CEMIP: variants seen among roughly 807,000 people sequenced by gnomAD.
CEMIP encodes the protein cell migration-inducing and hyaluronan-binding protein.
Under a neutral mutation model 156.9 loss-of-function variants are expected in CEMIP, and 105 were observed. That is an observed-to-expected ratio of 0.67 (90% confidence interval 0.57 to 0.79). The LOEUF is 0.79. Among genes scored for constraint, CEMIP ranks in the 30% least tolerant of loss-of-function variants. The pLI, the probability that CEMIP is intolerant of heterozygous loss-of-function variation, is 0.00. For synonymous variants in CEMIP, 676 were observed against 668.4 expected (o/e 1.01, Z -0.17); for missense variants, 1,457 against 1,769.4 (o/e 0.82, Z 3.17).
intron 1 of CEMIP, among the ~76,000 whole-genome samples, chr15:80,788,943 G>T (rs1217423260): frequency 6.6e-6 from 1 of 151,548 alleles, no homozygotes; most frequent in Non-Finnish European, 1.5e-5. Flanking sequence ...TTAGAATTTT[G>T]ATATTTCATT....
At chr15:80,780,750 C>T (rs1052129748) in intron 1 of CEMIP, among the ~76,000 whole-genome samples, 1 of 152,232 alleles carries the variant, frequency 6.6e-6, no homozygotes, top group Non-Finnish European at 1.5e-5. Flanking sequence ...GGCGGGGAGC[C>T]GGCGGCTCTG....
Position 80,818,142 on chromosome 15 carries a change from T to A in CEMIP, c.-176+38528T>A, listed in dbSNP as rs548239393. Among the ~76,000 whole-genome samples the A allele has an allele frequency of 3.3e-5, 5 of 152,280 alleles. No homozygotes were observed. The South Asian group carries it at 1.0e-3, about 32-fold the overall frequency. On this transcript the variant is annotated intron_variant, in intron 1 of 29. Coordinates refer to ENST00000394685, the MANE Select transcript of CEMIP (RefSeq NM_001293298.2). ...ATTTCAGCAGCTTACTACAAAAAAA[T>A]ATGTATTTCTCACTCATGTTCATGT...
chr15:80,848,350 C>T (rs1324671787), intron 1 of CEMIP, among the ~76,000 whole-genome samples: 1 of 152,190 alleles, frequency 6.6e-6, no homozygotes, highest in Non-Finnish European at 1.5e-5. Context: ...TGGACAGCCG[C>T]CCCTCAACTG....
intron 6 of CEMIP, among the ~76,000 whole-genome samples, chr15:80,882,223 A>G (rs933984893): frequency 3.9e-5 from 6 of 152,174 alleles, no homozygotes; most frequent in Admixed American, 3.9e-4. Context: ...AGTACCTATA[A>G]CAGTCACTGG....
At chr15:80,808,646 GA>G (rs369854154) in intron 1 of CEMIP, among the ~76,000 whole-genome samples, 2 of 151,816 alleles carry the variant, frequency 1.3e-5, no homozygotes, top group African/African-American at 2.4e-5. Flanking sequence ...GAAAGGTAGA[GA>G]AAAAAACAAC....
Position 80,873,665 on chromosome 15 carries a change from G to T in CEMIP, c.-48G>T. 1.7e-6 allele frequency: 1 copy of T among 579,806 alleles called. No homozygotes were observed. Among genetic ancestry groups the T allele is most frequent in the African/African-American group, 1.9e-5 (1 of 54,044 alleles). The allele number at this position is 579,806 out of a possible 1,614,324, so 35.9% of individuals were successfully genotyped here. A position where few individuals can be genotyped will look rare whatever the true frequency, so the allele number is the denominator to read the frequency against. On this transcript the variant is annotated 5_prime_UTR_variant, in exon 2 of 30. Transcript: ENST00000394685. ...GGATTTTCATGCCCCGATCTGCCTG[G>T]CCTTGAGTTGTGGCAGCTGGGGAAG...
intron 12 of CEMIP, among the ~76,000 whole-genome samples, chr15:80,902,300 G>A (rs1325315928): frequency 2.6e-5 from 4 of 152,182 alleles, no homozygotes; most frequent in South Asian, 4.1e-4. Flanking sequence ...CCTCCTCCCC[G>A]CTCACCCAGG....
intron 7 of CEMIP, 138 bp downstream of exon 7, chr15:80,884,492 T>G (rs746332855): frequency 1.1e-6 from 1 of 879,044 alleles, no homozygotes; most frequent in Non-Finnish European, 1.9e-6. Context: ...GCATTTGCAT[T>G]TGACATCTGA....
chr15:80,785,029 A>T (rs3848178), intron 1 of CEMIP, among the ~76,000 whole-genome samples: 8 of 152,014 alleles, frequency 5.3e-5, no homozygotes, highest in Admixed American at 4.6e-4. Context: ...CCATCTTATC[A>T]GCAGACTAAA....
intron 25 of CEMIP, 112 bp from the exon 26 acceptor site, chr15:80,941,737 C>A: frequency 1.1e-6 from 1 of 926,876 alleles, no homozygotes; most frequent in Non-Finnish European, 1.7e-6. Flanking sequence ...TTCTATAAGG[C>A]CGCTGGGTCT....
intron 1 of CEMIP, among the ~76,000 whole-genome samples, chr15:80,785,708 A>G (rs1402110741): frequency 1.3e-5 from 2 of 152,166 alleles, no homozygotes; most frequent in Admixed American, 1.3e-4. Flanking sequence ...GATCCAAGGA[A>G]GCTTCACTGA....
intron 12 of CEMIP, chr15:80,903,282 T>A (rs1040836607): frequency 3.9e-5 from 6 of 152,308 alleles, no homozygotes; most frequent in Non-Finnish European, 5.9e-5. Context: ...GAAGGATGAA[T>A]GTCCTGGAGG....
chr15:80,925,765 A>G lies in CEMIP; in HGVS notation c.2420+10A>G. ...GGCTGGACAGCTGCCGGTGAGTCAG[A>G]GCGGCGTGTGGCTTTGGCACAAAGG... On this transcript the variant is annotated intron_variant, in intron 19 of 29. Coordinates refer to ENST00000394685, the MANE Select transcript of CEMIP (RefSeq NM_001293298.2). 2 of 1,610,942 alleles carry G rather than the reference A, an allele frequency of 1.2e-6. No individual in the cohort carries two copies. Among genetic ancestry groups the G allele is most frequent in the Non-Finnish European group, 1.7e-6 (2 of 1,179,692 alleles).
intron 1 of CEMIP, among the ~76,000 whole-genome samples, chr15:80,813,453 G>A (rs909315781): frequency 3.3e-5 from 5 of 149,408 alleles, no homozygotes; most frequent in South Asian, 4.2e-4. Context: ...GGGTTCAAGC[G>A]ATTCTCCTGC....
rs539025111 is a variant in CEMIP at position 80,932,116 on chromosome 15, G to C, written c.2793+77G>C. The C allele has an allele frequency of 2.6e-6, 4 of 1,548,576 alleles. No homozygotes were observed. The East Asian group carries it at 9.0e-5, about 35-fold the overall frequency. On this transcript the variant is annotated intron_variant, in intron 22 of 29. Coordinates refer to ENST00000394685, the MANE Select transcript of CEMIP (RefSeq NM_001293298.2). The surrounding 1 kb of genome is among the most constrained non-coding windows in gnomAD (Gnocchi z 4.5). ...ATTCACAAGTCCCCTGGGTCCCAGA[G>C]TTTGAGCTATTGCCACCACCGCAGG...
At chr15:80,840,151 G>A (rs529176801) in intron 1 of CEMIP, among the ~76,000 whole-genome samples, 4 of 152,342 alleles carry the variant, frequency 2.6e-5, no homozygotes, top group East Asian at 1.9e-4. Context: ...CTAGGGGCTC[G>A]GAGGGTGGCC....
chr15:80,906,363 T>C lies in CEMIP; in HGVS notation c.1412-300T>C, dbSNP rs75747236. Reference sequence around the variant, plus strand: ...AATGTCATTCCCTTGGGTGGCCCTGTGTCCAGCTAAAATGCAGGAGTCTAG... The same window carrying C: ...AATGTCATTCCCTTGGGTGGCCCTGCGTCCAGCTAAAATGCAGGAGTCTAG... On this transcript the variant is annotated intron_variant, in intron 12 of 29. Transcript: ENST00000394685. The surrounding 1 kb of genome is among the most constrained non-coding windows in gnomAD (Gnocchi z 4.3). Among the ~76,000 whole-genome samples the C allele has an allele frequency of 0.02, 3,080 of 152,294 alleles. 136 individuals carry two copies. Among genetic ancestry groups the C allele is most frequent in the East Asian group, 0.18 (934 of 5,176 alleles).
rs149402957 is a variant in CEMIP at position 80,936,703 on chromosome 15, C to T, written c.3039C>T (p.Asn1013=). The T allele has an allele frequency of 6.2e-7, 1 of 1,613,992 alleles. No homozygotes were observed. The highest frequency in any genetic ancestry group is 1.3e-5 in the African/African-American group (1 of 74,914). The stretch of plus-strand genomic sequence containing the variant: ...ACATTCAAGCCTACAAGACCAGTAA[C>T]CTGCGAATGAAGATCATCAAGAATG... The part of the protein sequence containing the change: ...QMYIQAYKTS[N]LRMKIIKNDF... The change falls in exon 24 of 30, where the codon AAC becomes AAT. Residue 1013 remains asparagine (N), a synonymous_variant. Transcript: ENST00000394685.
rs571416395 is a variant in CEMIP at position 80,782,177 on chromosome 15, T to G, written c.-176+2563T>G. ...GCCCTCTGGTTCAGATGATCAATTT[T>G]TCCTGATTGTTCTCTCACAAGAATG... On this transcript the variant is annotated intron_variant, in intron 1 of 29. Coordinates refer to ENST00000394685, the MANE Select transcript of CEMIP (RefSeq NM_001293298.2). 1.8e-3 allele frequency among the ~76,000 whole-genome samples: 272 copies of G among 152,368 alleles called. 2 individuals are homozygous for G. Among genetic ancestry groups the G allele is most frequent in the African/African-American group, 6.1e-3 (253 of 41,590 alleles).
Sources: allele counts gnomAD v4.1 joint callset (sites outside exome capture counted in the v4.1 genomes callset), GRCh38; gene constraint gnomAD v4.1.1; non-coding constraint Gnocchi (gnomAD v3.1); transcripts MANE v1.5; gene names NCBI Gene and HGNC (gene_info 2026-07-23, HGNC 2026-07-21).